Variants in CTU1 observed in about 807,000 individuals in gnomAD.
The protein encoded by CTU1 is cytoplasmic tRNA 2-thiolation protein 1.
Under a neutral mutation model 12.9 loss-of-function variants are expected in CTU1, and 15 were observed. That is an observed-to-expected ratio of 1.16 (90% CI 0.78 to 1.79). The LOEUF (loss-of-function observed/expected upper bound fraction) is 1.79. CTU1 is among the 40% of genes most tolerant of loss of function. The pLI is 0.00. For synonymous variants in CTU1, 295 were observed against 275.6 expected, an observed-to-expected ratio of 1.07 and a Z score of -0.70; for missense variants, 553 against 550.5, an observed-to-expected ratio of 1.00 and a Z score of -0.05.
At chr19:51,101,446 C>G (rs945208995) in intron 2 of CTU1, among the ~76,000 whole-genome samples, 3 of 152,106 alleles carry the variant, frequency 2.0e-5, no homozygotes, top group Non-Finnish European at 2.9e-5. Context: ...GGAGACATTT[C>G]TGTGTGTCAG....
intron 2 of CTU1, among the ~76,000 whole-genome samples, chr19:51,103,268 T>C (rs2122795024): frequency 6.6e-6 from 1 of 152,240 alleles, no homozygotes; most frequent in Middle Eastern, 3.4e-3. Flanking sequence ...ATCCGGCATA[T>C]AGCAGAAACT....
In CTU1 at chr19:51,104,354, G is replaced by A; in HGVS notation, c.216C>T (p.Arg72=). The A allele has an allele frequency of 6.9e-7, 1 of 1,444,864 alleles. No individual in the cohort carries two copies. Among genetic ancestry groups the A allele is most frequent in the Non-Finnish European group, 9.1e-7 (1 of 1,103,688 alleles). The allele number at this position is 1,444,864 out of a possible 1,614,324, so 89.5% of individuals were successfully genotyped here. A position where few individuals can be genotyped will look rare whatever the true frequency, so the allele number is the denominator to read the frequency against. ...AGATGCCCAGGCGCGGCGCCAGCGC[G>A]CGCAGCACGTGCGCCAGCACCGTGG... The part of the protein sequence containing the change: ...KDSTVLAHVL[R]ALAPRLGISL... Residue 72 remains arginine (R), a synonymous_variant, in exon 2 of 3, where the codon CGC becomes CGT. Transcript: ENST00000421832.
At chr19:51,104,740 T>C (rs1361167215) in intron 1 of CTU1, 150 bp from the exon 2 acceptor site, 1 of 553,802 alleles carries the variant, frequency 1.8e-6, no homozygotes, top group Non-Finnish European at 2.7e-6. Flanking sequence ...GCGCTGGGGA[T>C]AGGATGGTTA....
intron 1 of CTU1, among the ~76,000 whole-genome samples, chr19:51,106,810 G>A (rs1326051852): frequency 1.3e-5 from 2 of 151,988 alleles, no homozygotes; most frequent in Non-Finnish European, 2.9e-5. Flanking sequence ...AAGCCACTGT[G>A]CCCAGCTTCT....
rs530586770 is a variant in CTU1, at chr19:51,102,285, G to A, written c.508+1777C>T. On this transcript the variant is annotated intron_variant, in intron 2 of 2. Transcript: ENST00000421832. ...CCCAAAGTGCTGGGATTACAGGTGT[G>A]AGCCACTGTGCCCGGCCGAAGCCTT... Among the ~76,000 whole-genome samples the A allele has an allele frequency of 2.0e-5, 3 of 152,306 alleles. No individual in the cohort carries two copies. In the East Asian group the frequency reaches 5.8e-4, roughly 29 times the overall value.
chr19:51,098,602 T>C lies in CTU1; in HGVS notation c.1046A>G (p.Ter349TrpextTer18), dbSNP rs775427188. Reference sequence around the variant, plus strand: ...ATCCCGGCGGGAGGCCCGAAGTCGCTAGAAGGTGGGGACGGCCTTGGAGGC... The same window carrying C: ...ATCCCGGCGGGAGGCCCGAAGTCGCCAGAAGGTGGGGACGGCCTTGGAGGC... The part of the protein sequence containing the change: ...PPASKAVPTF[*>W] The change falls in exon 3 of 3, where the codon TAG (stop) becomes TGG (tryptophan). Residue 349 changes from the stop codon to tryptophan (W), a stop_lost. Coordinates refer to ENST00000421832, the MANE Select transcript of CTU1 (RefSeq NM_145232.4). The surrounding 1 kb of genome is among the most constrained non-coding windows in gnomAD (Gnocchi z 4.3). 111 of 1,287,810 alleles carry C rather than the reference T, an allele frequency of 8.6e-5. No homozygotes were observed. Among genetic ancestry groups the C allele is most frequent in the Admixed American group, 1.3e-4 (3 of 23,740 alleles). 79.8% of individuals were successfully genotyped at this position (1,287,810 alleles called of 1,614,324 possible).
intron 2 of CTU1, among the ~76,000 whole-genome samples, chr19:51,101,996 GC>G (rs2091908070): frequency 6.6e-6 from 1 of 152,082 alleles, no homozygotes; most frequent in Admixed American, 6.6e-5. Flanking sequence ...ATCCGAGGCA[GC>G]CTCTCATTCT....
chr19:51,103,672 G>A (rs2091912359), intron 2 of CTU1, among the ~76,000 whole-genome samples: 2 of 151,822 alleles, frequency 1.3e-5, no homozygotes, highest in Admixed American at 6.6e-5. Flanking sequence ...TAGAGAAAGA[G>A]CTGGATTCTG....
At chr19:51,104,864 G>A (rs1354258785) in intron 1 of CTU1, among the ~76,000 whole-genome samples, 1 of 152,178 alleles carries the variant, frequency 6.6e-6, no homozygotes, top group Non-Finnish European at 1.5e-5. Flanking sequence ...GTAAAGAGAG[G>A]GAGCGACAAG....
chr19:51,101,763 T>C (rs922491844), intron 2 of CTU1, among the ~76,000 whole-genome samples: 2 of 152,184 alleles, frequency 1.3e-5, no homozygotes, highest in African/African-American at 4.8e-5. Flanking sequence ...GTAAACCACA[T>C]TAATTAGGGG....
rs533464171 is a variant in CTU1 at position 51,099,151 on chromosome 19, A to G, written c.509-12T>C. ...GTCGGCGTTGTGACCTGGTGGGGAG[A>G]GAAGGGAGCGGGTGAGGTGGGGCGC... On this transcript the variant is annotated splice_polypyrimidine_tract_variant and intron_variant, in intron 2 of 2. Transcript: ENST00000421832. 4 of 1,566,828 alleles carry G rather than the reference A, an allele frequency of 2.6e-6. No individual in the cohort carries two copies. In the East Asian group the frequency reaches 9.4e-5, roughly 37 times the overall value.
Position 51,104,234 on chromosome 19 carries a change from C to G in CTU1, c.336G>C (p.Pro112=). The change falls in exon 2 of 3, where the codon CCG becomes CCC. Residue 112 remains proline (P), a synonymous_variant. Transcript: ENST00000421832. ...GGTCTTCGTAGGCCACGACCGTGAGCGGCAGCTCCCAGCGCGCCGCCTGGC... is the reference window on the plus strand; with the variant it reads ...GGTCTTCGTAGGCCACGACCGTGAGGGGCAGCTCCCAGCGCGCCGCCTGGC... ...VRRQAARWEL[P]LTVVAYEDLF... is the part of the protein sequence containing the mutation. The G allele has an allele frequency of 6.6e-7, 1 of 1,513,622 alleles. No homozygotes were observed. The highest frequency in any genetic ancestry group is 8.8e-7 in the Non-Finnish European group (1 of 1,137,398). The allele number at this position is 1,513,622 out of a possible 1,614,324, so 93.8% of individuals were successfully genotyped here.
In CTU1 at chr19:51,098,430, G is replaced by A. The variant is rs1317946981; in HGVS notation, c.*171C>T. ...GCCCAGTTCGAGACCCTTCTTCCCT[G>A]AGACCTCGAAGTCTGGGGTCCCAGC... On this transcript the variant is annotated 3_prime_UTR_variant, in exon 3 of 3. Transcript: ENST00000421832. This position sits in a 1 kb window ranked among gnomAD's most constrained non-coding sequence, Gnocchi z 4.3. 7 of 570,256 alleles carry A rather than the reference G, an allele frequency of 1.2e-5. No homozygotes were observed. The highest frequency in any genetic ancestry group is 1.8e-5 in the Non-Finnish European group (7 of 395,100). 35.3% of individuals were successfully genotyped at this position (570,256 alleles called of 1,614,324 possible).
At chr19:51,101,719 C>T (rs573156510) in intron 2 of CTU1, among the ~76,000 whole-genome samples, 12 of 152,224 alleles carry the variant, frequency 7.9e-5, no homozygotes, top group South Asian at 6.2e-4. Context: ...CTACTGCAAA[C>T]GACATCTCGT....
chr19:51,103,512 G>T (rs1163876631), intron 2 of CTU1, among the ~76,000 whole-genome samples: 1 of 150,840 alleles, frequency 6.6e-6, no homozygotes, highest in Non-Finnish European at 1.5e-5. Flanking sequence ...GTGAATCCGG[G>T]AGGCAGAGGT....
chr19:51,099,828 C>CA (rs1347367655), intron 2 of CTU1, among the ~76,000 whole-genome samples: 1 of 152,066 alleles, frequency 6.6e-6, no homozygotes, highest in Non-Finnish European at 1.5e-5. Context: ...GGTTGTAGGA[C>CA]AAAGGGGAAT....
chr19:51,104,228 CG>C lies in CTU1; in HGVS notation c.341del (p.Thr114ArgfsTer55). 1.3e-6 allele frequency: 2 copies of C among 1,516,240 alleles called. No homozygotes were observed. The allele number at this position is 1,516,240 out of a possible 1,614,324, so 93.9% of individuals were successfully genotyped here. A position where few individuals can be genotyped will look rare whatever the true frequency, so the allele number is the denominator to read the frequency against. On this transcript the variant is annotated frameshift_variant, in exon 2 of 3. Transcript: ENST00000421832. LOFTEE classifies it high-confidence loss of function. ...RQAARWELPL[T>X]VVAYEDLFGG... Reference sequence around the variant, plus strand: ...CAAAGAGGTCTTCGTAGGCCACGACCGTGAGCGGCAGCTCCCAGCGCGCCGC... The same window carrying C: ...CAAAGAGGTCTTCGTAGGCCACGACCTGAGCGGCAGCTCCCAGCGCGCCGC...
chr19:51,103,571 C>T (rs1302265394), intron 2 of CTU1, among the ~76,000 whole-genome samples: 55 of 117,076 alleles, frequency 4.7e-4, no homozygotes, highest in Middle Eastern at 0.011. Flanking sequence ...GGAGACAGAG[C>T]GAGACTCTGT....
intron 2 of CTU1, among the ~76,000 whole-genome samples, chr19:51,100,842 C>T (rs565696593): frequency 1.3e-5 from 2 of 151,604 alleles, no homozygotes; most frequent in African/African-American, 4.8e-5. Context: ...GTTACAGCAG[C>T]CAGAGAAAAC....
Sources: gnomAD v4.1 joint callset for allele counts (sites outside exome capture counted in the v4.1 genomes callset) on GRCh38, gnomAD v4.1.1 for gene constraint, Gnocchi (gnomAD v3.1) non-coding constraint, MANE v1.5 for transcripts, NCBI Gene and HGNC (gene_info 2026-07-23, HGNC 2026-07-21) for gene names.